The following PDE4D variants were observed in gnomAD, a reference collection of about 807,000 sequenced individuals.
PDE4D encodes 3',5'-cyclic-AMP phosphodiesterase 4D.
In PDE4D, 24 loss-of-function variants were observed where a neutral mutation model predicts 87.4. That is an observed-to-expected ratio of 0.27 (90% CI 0.20 to 0.39). PDE4D has a LOEUF of 0.39. Ranked by LOEUF, PDE4D falls within the 10% of genes least tolerant of loss-of-function variation. PDE4D has a pLI of 1.00. For synonymous variants in PDE4D, 384 were observed against 383.2 expected (o/e 1.00, Z -0.02); for missense variants, 714 against 1,041.0 (o/e 0.69, Z 4.32).
chr5:60,008,998 T>C (rs1764754384), intron 2 of PDE4D, among the ~76,000 whole-genome samples: 1 of 151,970 alleles, frequency 6.6e-6, no homozygotes. Flanking sequence ...AATACCACCC[T>C]CAAAATTAAC....
intron 1 of PDE4D, among the ~76,000 whole-genome samples, chr5:59,877,995 ATAAT>A (rs1213463588): frequency 1.3e-5 from 2 of 152,172 alleles, no homozygotes; most frequent in African/African-American, 4.8e-5. Flanking sequence ...GGGTACAGAA[ATAAT>A]TAAGATTAGA....
At chr5:59,815,898 C>A (rs1221023374) in intron 1 of PDE4D, among the ~76,000 whole-genome samples, 1 of 152,134 alleles carries the variant, frequency 6.6e-6, no homozygotes, top group Non-Finnish European at 1.5e-5. Context: ...TCAAGAAGAC[C>A]TGAAATTATT....
At chr5:59,616,470 G>C (rs192689371) in intron 1 of PDE4D, among the ~76,000 whole-genome samples, 68 of 152,160 alleles carry the variant, frequency 4.5e-4, no homozygotes, top group African/African-American at 1.4e-3. Context: ...ACCATTAAAA[G>C]TTATAACTCT....
chr5:59,056,618 G>A (rs1762415307), intron 5 of PDE4D, among the ~76,000 whole-genome samples: 1 of 151,582 alleles, frequency 6.6e-6, no homozygotes, highest in South Asian at 2.1e-4. Context: ...ACCCCCACCA[G>A]GCCCCAGTGT....
chr5:59,172,697 G>A (rs1288626566), intron 5 of PDE4D: 3 of 151,218 alleles, frequency 2.0e-5, no homozygotes, highest in Non-Finnish European at 4.4e-5. Flanking sequence ...AACAGAGTGA[G>A]GCCCTATTTC....
chr5:59,703,371 G>A (rs1018369261), intron 1 of PDE4D, among the ~76,000 whole-genome samples: 1 of 152,088 alleles, frequency 6.6e-6, no homozygotes, highest in African/African-American at 2.4e-5. Context: ...TATCCTTGGT[G>A]ACTTTCAGAC....
intron 2 of PDE4D, among the ~76,000 whole-genome samples, chr5:60,076,510 A>G (rs889873135): frequency 2.6e-5 from 4 of 151,744 alleles, no homozygotes; most frequent in Non-Finnish European, 5.9e-5. Flanking sequence ...CTTTTGTTCT[A>G]TTTCATGACC....
rs10071380 is a variant in PDE4D at position 60,385,719 on chromosome 5, C to T, written c.-90+102223G>A. On this transcript the variant is annotated intron_variant, in intron 1 of 16. Transcript: ENST00000502484. The stretch of plus-strand genomic sequence containing the variant: ...TCAACCTACTAACGGTCCCCAAGTC[C>T]ATAATGCTATTGCCACCTCTGTTTT... Among the ~76,000 whole-genome samples, 852 of 152,328 alleles carry T rather than the reference C, an allele frequency of 5.6e-3. 8 individuals are homozygous for T. The highest frequency in any genetic ancestry group is 0.019 in the African/African-American group (809 of 41,576).
chr5:60,305,661 G>GA lies in PDE4D; in HGVS notation c.-89-119975dup, dbSNP rs1319816054. Among the ~76,000 whole-genome samples the GA allele has an allele frequency of 2.9e-3, 353 of 119,722 alleles. 3 individuals carry two copies. Among genetic ancestry groups the GA allele is most frequent in the African/African-American group, 9.7e-3 (302 of 31,158 alleles). 78.5% of individuals were successfully genotyped at this position (119,722 alleles called of 152,430 possible). ...CACTTTTTAAACTACTGAGTAAACA[G>GA]AAAAAAAAATCCTGCAAGATTCCAG... On this transcript the variant is annotated intron_variant, in intron 1 of 16. Transcript: ENST00000502484.
chr5:59,830,324 G>T (rs1292053971), intron 1 of PDE4D, among the ~76,000 whole-genome samples: 1 of 151,962 alleles, frequency 6.6e-6, no homozygotes, highest in African/African-American at 2.4e-5. Flanking sequence ...TTTTTCTAAT[G>T]TCTACATTAT....
chr5:59,790,271 GA>G (rs1236661258), intron 1 of PDE4D, among the ~76,000 whole-genome samples: 3 of 151,932 alleles, frequency 2.0e-5, no homozygotes, highest in African/African-American at 7.3e-5. Context: ...TTCAGTTATT[GA>G]AAAAAGAAGC....
At chr5:60,092,045 C>G (rs75717180) in intron 2 of PDE4D, among the ~76,000 whole-genome samples, 1 of 113,758 alleles carries the variant, frequency 8.8e-6, no homozygotes, top group African/African-American at 3.7e-5. Flanking sequence ...AGCGAAACTC[C>G]GTCTCAAAAA....
At chr5:59,985,300 G>A (rs530698485) in intron 3 of PDE4D, among the ~76,000 whole-genome samples, 2 of 151,720 alleles carry the variant, frequency 1.3e-5, no homozygotes, top group East Asian at 3.9e-4. Flanking sequence ...TGCCAAGCCC[G>A]GCTAATTTTT....
chr5:59,819,114 G>T (rs1769343051), intron 1 of PDE4D, among the ~76,000 whole-genome samples: 1 of 152,134 alleles, frequency 6.6e-6, no homozygotes, highest in Admixed American at 6.5e-5. Context: ...TTATTTGAGT[G>T]CATTAAAATG....
At chr5:59,118,408 T>C (rs1773962823) in intron 5 of PDE4D, among the ~76,000 whole-genome samples, 2 of 152,208 alleles carry the variant, frequency 1.3e-5, no homozygotes, top group Admixed American at 1.3e-4. Flanking sequence ...CCTGCGTATC[T>C]CATGGCTGAG....
At chr5:60,194,258 C>T (rs184766300) in intron 1 of PDE4D, among the ~76,000 whole-genome samples, 1 of 151,726 alleles carries the variant, frequency 6.6e-6, no homozygotes, top group Admixed American at 6.6e-5. Context: ...AGATCCTAGA[C>T]CTCCATATCA....
At chr5:59,703,803 C>T in intron 1 of PDE4D, 1 of 275,164 alleles carries the variant, frequency 3.6e-6, no homozygotes, top group Non-Finnish European at 7.6e-6. Flanking sequence ...AAGCAACATA[C>T]ATACATTCAA....
At chr5:60,171,315 T>G (rs770868426) in intron 2 of PDE4D, among the ~76,000 whole-genome samples, 2 of 152,050 alleles carry the variant, frequency 1.3e-5, no homozygotes, top group Non-Finnish European at 2.9e-5. Flanking sequence ...TATACTGTTC[T>G]GAATATGTAC....
intron 1 of PDE4D, among the ~76,000 whole-genome samples, chr5:60,348,329 G>GAA: frequency 6.6e-6 from 1 of 150,800 alleles, no homozygotes; most frequent in East Asian, 1.9e-4. Flanking sequence ...TCCAAACACA[G>GAA]AAAAAAAAAT....
Sources: gnomAD v4.1 joint callset for allele counts (sites outside exome capture counted in the v4.1 genomes callset) on GRCh38, gnomAD v4.1.1 for gene constraint, MANE v1.5 for transcripts, NCBI Gene and HGNC (gene_info 2026-07-23, HGNC 2026-07-21) for gene names.